PLB1: variants seen among roughly 807,000 people sequenced by gnomAD.
The protein encoded by PLB1 is phospholipase B1, membrane-associated.
In PLB1, 242 loss-of-function variants were observed where a neutral mutation model predicts 227.4. The ratio of observed to expected loss-of-function variants is 1.06; its 90% CI spans 0.96 to 1.18. The LOEUF (loss-of-function observed/expected upper bound fraction) is 1.18. Ranked by LOEUF, PLB1 falls within the 50% of genes most tolerant of loss-of-function variation. The pLI is 0.00. For missense variants in PLB1, 1,858 were observed against 1,816.3 expected (o/e 1.02, Z -0.42); for synonymous variants, 757 against 682.2 (o/e 1.11, Z -1.71).
chr2:28,612,082 T>C (rs4666110), intron 43 of PLB1, among the ~76,000 whole-genome samples: 152,270 of 152,334 alleles, frequency 1, 76,103 homozygotes, highest in Middle Eastern at 1. Flanking sequence ...GAAGGCAGAG[T>C]TTGCAGTGAG....
At chr2:28,642,213 GT>G (rs1690053668) in intron 57 of PLB1, among the ~76,000 whole-genome samples, 1 of 152,112 alleles carries the variant, frequency 6.6e-6, no homozygotes. Context: ...CCTTTATGAT[GT>G]GATTGTTTCT....
At position 28,632,974 on chromosome 2, in the gene PLB1, GA is replaced by G; in HGVS notation, c.4034del (p.Glu1345GlyfsTer107). ...GGACACTGACCTCACCTTCTTCTCC[GA>G]GGACTGTTTTCACTTCTCAGACCGC... is the stretch of plus-strand genomic sequence containing the variant. ...RGDTDLTFFS[E>X]DCFHFSDRGH... On this transcript the variant is annotated frameshift_variant, in exon 56 of 58. Transcript: ENST00000327757. LOFTEE classifies it high-confidence loss of function. 1 of 1,606,436 alleles carries G rather than the reference GA, an allele frequency of 6.2e-7. No individual in the cohort carries two copies.
intron 20 of PLB1, among the ~76,000 whole-genome samples, chr2:28,568,273 T>G (rs1677395785): frequency 1.3e-5 from 2 of 152,246 alleles, no homozygotes; most frequent in Non-Finnish European, 2.9e-5. Context: ...ATGTATGCAA[T>G]AGCTTTCTGG....
chr2:28,540,607 G>A (rs1161640108), intron 12 of PLB1, among the ~76,000 whole-genome samples, 166 bp downstream of exon 12: 2 of 152,196 alleles, frequency 1.3e-5, no homozygotes, highest in East Asian at 1.9e-4. Context: ...GCTTCACATC[G>A]TGGTAGTGAT....
chr2:28,583,810 G>T (rs1038368701), intron 25 of PLB1, among the ~76,000 whole-genome samples: 2 of 151,578 alleles, frequency 1.3e-5, no homozygotes. Flanking sequence ...TGGTAAAGAT[G>T]TGGCTTAAAA....
At chr2:28,606,794 G>T (rs960408737) in intron 43 of PLB1, among the ~76,000 whole-genome samples, 2 of 152,190 alleles carry the variant, frequency 1.3e-5, no homozygotes, top group African/African-American at 2.4e-5. Flanking sequence ...GGGAGAGGAG[G>T]CCTGGGCCCC....
Position 28,629,197 on chromosome 2 carries a change from G to T in PLB1, c.3818+12G>T. The T allele has an allele frequency of 6.2e-7, 1 of 1,612,272 alleles. No individual in the cohort carries two copies. Among genetic ancestry groups the T allele is most frequent in the South Asian group, 1.1e-5 (1 of 90,732 alleles). ...ATGCTGGCAGCTCAGTAAGTGGACA[G>T]GTCACCGTCCCAAGGCAAGGGCACC... On this transcript the variant is annotated intron_variant, in intron 53 of 57. Transcript: ENST00000327757.
At position 28,601,237 on chromosome 2, in the gene PLB1, C is replaced by T. The variant is rs761387799; in HGVS notation, c.2527-15C>T. The T allele has an allele frequency of 3.7e-6, 6 of 1,600,778 alleles. No homozygotes were observed. Among genetic ancestry groups the T allele is most frequent in the Admixed American group, 3.3e-5 (2 of 59,960 alleles). On this transcript the variant is annotated splice_polypyrimidine_tract_variant and intron_variant, in intron 36 of 57. Transcript: ENST00000327757. ...CTTGTTGGAAATTATCAAGCATTTTCCTCCCTCCATATAGAGAGTAAATTT... is the reference window on the plus strand; with the variant it reads ...CTTGTTGGAAATTATCAAGCATTTTTCTCCCTCCATATAGAGAGTAAATTT...
intron 22 of PLB1, among the ~76,000 whole-genome samples, chr2:28,579,204 T>C (rs1366165882): frequency 1.3e-5 from 2 of 152,206 alleles, no homozygotes; most frequent in Non-Finnish European, 2.9e-5. Flanking sequence ...TAATGAAAGA[T>C]GGTCTTTCTC....
At position 28,578,258 on chromosome 2, in the gene PLB1, G is replaced by A. The variant is rs554186445; in HGVS notation, c.1485+100G>A. The A allele has an allele frequency of 2.6e-6, 3 of 1,134,364 alleles. No homozygotes were observed. The East Asian group carries it at 7.2e-5, about 27-fold the overall frequency. The allele number at this position is 1,134,364 out of a possible 1,614,324, so 70.3% of individuals were successfully genotyped here. A position where few individuals can be genotyped will look rare whatever the true frequency, so the allele number is the denominator to read the frequency against. ...GTTGGGAGCCCGGCTTGGGTTTCTA[G>A]CAGACACATCTGAAGCCTAAAACAC... is the stretch of plus-strand genomic sequence containing the variant. On this transcript the variant is annotated intron_variant, in intron 22 of 57. Coordinates refer to ENST00000327757, the MANE Select transcript of PLB1 (RefSeq NM_153021.5).
At chr2:28,575,065 A>C (rs546370693) in intron 21 of PLB1, among the ~76,000 whole-genome samples, 3 of 152,296 alleles carry the variant, frequency 2.0e-5, no homozygotes, top group African/African-American at 7.2e-5. Flanking sequence ...TGGTGGTTCT[A>C]CTTTCAGTCT....
chr2:28,630,776 A>C, intron 54 of PLB1, 112 bp downstream of exon 54: 1 of 825,200 alleles, frequency 1.2e-6, no homozygotes, highest in Non-Finnish European at 1.9e-6. Flanking sequence ...CACTCCCTAA[A>C]AGCAGATTGC....
chr2:28,620,517 G>C, intron 47 of PLB1, 83 bp from the exon 48 acceptor site: 1 of 1,505,598 alleles, frequency 6.6e-7, no homozygotes, highest in Non-Finnish European at 9.0e-7. Context: ...CCAGAACCCG[G>C]TTCCGGTTCT....
chr2:28,500,487 C>A (rs1454141617), intron 1 of PLB1, among the ~76,000 whole-genome samples: 1 of 152,118 alleles, frequency 6.6e-6, no homozygotes. Flanking sequence ...ATACTTCTTG[C>A]CTAAATTTTT....
chr2:28,620,196 G>T (rs1432077697), intron 46 of PLB1, 69 bp from the exon 47 acceptor site: 5 of 1,111,970 alleles, frequency 4.5e-6, no homozygotes, highest in Non-Finnish European at 6.3e-6. Flanking sequence ...CTACCCCAGG[G>T]CCAGAGGAGG....
intron 8 of PLB1, 144 bp from the exon 9 acceptor site, chr2:28,531,964 T>C (rs1671070332): frequency 4.8e-6 from 3 of 618,902 alleles, no homozygotes; most frequent in Non-Finnish European, 8.6e-6. Context: ...TTTAAACTCC[T>C]GCCATATACT....
rs150857005 is a variant in PLB1, at chr2:28,625,059, A to G, written c.3530A>G (p.Asp1177Gly). 107 of 1,613,412 alleles carry G rather than the reference A, an allele frequency of 6.6e-5. No homozygotes were observed. Among genetic ancestry groups the G allele is most frequent in the Non-Finnish European group, 8.7e-5 (103 of 1,179,702 alleles). The change falls in exon 50 of 58, where the codon GAC (aspartate) becomes GGC (glycine). Residue 1177 changes from aspartate to glycine, a missense_variant and splice_region_variant. Coordinates refer to ENST00000327757, the MANE Select transcript of PLB1 (RefSeq NM_153021.5). ...NVAAEGARAR[D>G]MPAQAWDLVE... ...CCCTCTCTCTACCCCCCACCTAGGG[A>G]CATGCCAGCCCAGGCCTGGGACCTG...
chr2:28,603,140 G>C (rs1388204249), intron 39 of PLB1, among the ~76,000 whole-genome samples: 2 of 152,200 alleles, frequency 1.3e-5, no homozygotes, highest in African/African-American at 4.8e-5. Flanking sequence ...TATGATACCA[G>C]GCAGCCACAG....
At position 28,591,767 on chromosome 2, in the gene PLB1, C is replaced by T. The variant is rs1033181925; in HGVS notation, c.2188+7C>T. ...GCCTTGCACCCTACCTCAGGTAAGC[C>T]CCCTATGGCACAGCAGGACCCAGGG... On this transcript the variant is annotated splice_region_variant and intron_variant, in intron 31 of 57. Coordinates refer to ENST00000327757, the MANE Select transcript of PLB1 (RefSeq NM_153021.5). 1.2e-6 allele frequency: 2 copies of T among 1,613,644 alleles called. No homozygotes were observed. Among genetic ancestry groups the T allele is most frequent in the South Asian group, 2.2e-5 (2 of 91,070 alleles).
Sources: allele counts gnomAD v4.1 joint callset (sites outside exome capture counted in the v4.1 genomes callset), GRCh38; gene constraint gnomAD v4.1.1; transcripts MANE v1.5; gene names NCBI Gene and HGNC (gene_info 2026-07-23, HGNC 2026-07-21).